The following CNTNAP3B variants were observed in gnomAD, a reference collection of about 807,000 sequenced individuals.
CNTNAP3B encodes the protein contactin-associated protein-like 3B.
A neutral mutation model predicts 108.9 loss-of-function variants in CNTNAP3B; 25 were observed. The ratio of observed to expected loss-of-function variants is 0.23; its 90% confidence interval spans 0.17 to 0.32. The LOEUF (loss-of-function observed/expected upper bound fraction) is 0.32. Ranked by LOEUF, CNTNAP3B falls within the 10% of genes least tolerant of loss-of-function variation. The pLI is 1.00. For synonymous variants in CNTNAP3B, 103 were observed against 473.4 expected (o/e 0.22, Z 10.16); for missense variants, 252 against 1,210.4 (o/e 0.21, Z 11.75).
intron 13 of CNTNAP3B, among the ~76,000 whole-genome samples, chr9:41,947,759 T>A (rs1432488924): frequency 7.2e-5 from 11 of 152,160 alleles, no homozygotes; most frequent in South Asian, 4.1e-4. Context: ...TAAAAAACAG[T>A]AAGATTGAAA....
In CNTNAP3B at chr9:42,108,073, A is replaced by G. The variant is rs1200533184; in HGVS notation, c.86-3334T>C. On this transcript the variant is annotated intron_variant, in intron 1 of 23. Transcript: ENST00000377561. Reference sequence around the variant, plus strand: ...CTAAGTTTATTGTTTTTTCCCTATCATTTTGAATTCTGTGAACACTTTCTT... The same window carrying G: ...CTAAGTTTATTGTTTTTTCCCTATCGTTTTGAATTCTGTGAACACTTTCTT... Among the ~76,000 whole-genome samples, 9 of 138,564 alleles carry G rather than the reference A, an allele frequency of 6.5e-5. No homozygotes were observed. The East Asian group carries it at 2.0e-3, about 30-fold the overall frequency. The allele number at this position is 138,564 out of a possible 152,430, so 90.9% of individuals were successfully genotyped here. A position where few individuals can be genotyped will look rare whatever the true frequency, so the allele number is the denominator to read the frequency against.
intron 3 of CNTNAP3B, among the ~76,000 whole-genome samples, chr9:42,054,651 A>T (rs1827023859): frequency 6.6e-6 from 1 of 151,742 alleles, no homozygotes; most frequent in African/African-American, 2.4e-5. Context: ...AATAAGTATC[A>T]TTCATTCAAC....
intron 10 of CNTNAP3B, among the ~76,000 whole-genome samples, chr9:41,969,340 A>G (rs1425934575): frequency 2.0e-5 from 3 of 149,522 alleles, no homozygotes; most frequent in African/African-American, 7.5e-5. Flanking sequence ...CCTTCTGCAC[A>G]CATCTTCATC....
At chr9:42,001,618 T>C (rs1290170728) in intron 4 of CNTNAP3B, among the ~76,000 whole-genome samples, 2 of 129,782 alleles carry the variant, frequency 1.5e-5, no homozygotes, top group African/African-American at 3.1e-5. Flanking sequence ...ATGTCACTTA[T>C]TATGTTTACG....
chr9:42,127,578 G>A (rs2605633), intron 1 of CNTNAP3B, among the ~76,000 whole-genome samples: 4 of 139,714 alleles, frequency 2.9e-5, no homozygotes, highest in East Asian at 2.2e-4. Context: ...ACTCATTTAT[G>A]TGTTTATTTA....
At chr9:42,087,259 T>A (rs569413559) in intron 2 of CNTNAP3B, among the ~76,000 whole-genome samples, 1 of 137,916 alleles carries the variant, frequency 7.3e-6, no homozygotes, top group Non-Finnish European at 1.6e-5. Context: ...CCATACACAA[T>A]AATGTATGGA....
intron 13 of CNTNAP3B, among the ~76,000 whole-genome samples, chr9:41,940,318 C>A (rs1824296402): frequency 6.6e-6 from 1 of 152,236 alleles, no homozygotes; most frequent in South Asian, 2.1e-4. Context: ...TTTTTGGAAA[C>A]AAAACAAAAC....
In CNTNAP3B at chr9:42,083,117, A is replaced by G. The variant is rs1023696002; in HGVS notation, c.197-6055T>C. On this transcript the variant is annotated intron_variant, in intron 2 of 23. Transcript: ENST00000377561. ...AGAAAATTATTTTGTAATGATTAAG[A>G]TGTTCTTTCATCAGAGAACATAATC... is the stretch of plus-strand genomic sequence containing the variant. 6.7e-5 allele frequency among the ~76,000 whole-genome samples: 9 copies of G among 133,564 alleles called. 2 individuals carry two copies. The highest frequency in any genetic ancestry group is 2.7e-4 in the African/African-American group (9 of 32,964). The allele number at this position is 133,564 out of a possible 152,430, so 87.6% of individuals were successfully genotyped here.
chr9:41,932,296 G>T (rs1186898225), intron 14 of CNTNAP3B, among the ~76,000 whole-genome samples: 2 of 152,062 alleles, frequency 1.3e-5, no homozygotes, highest in South Asian at 2.1e-4. Flanking sequence ...AACTTTCAAA[G>T]ACTTTTTGCT....
At chr9:41,937,096 A>ATGTTATT (rs1824180330) in intron 14 of CNTNAP3B, among the ~76,000 whole-genome samples, 4 of 114,360 alleles carry the variant, frequency 3.5e-5, no homozygotes, top group African/African-American at 1.1e-4. Flanking sequence ...AATGACCATT[A>ATGTTATT]CATTTTTTAT....
At chr9:42,033,177 A>C (rs1826555038) in intron 3 of CNTNAP3B, among the ~76,000 whole-genome samples, 1 of 138,934 alleles carries the variant, frequency 7.2e-6, no homozygotes, top group Non-Finnish European at 1.5e-5. Flanking sequence ...AGGCTTTACA[A>C]AAGAATCACT....
rs1219989042 is a variant in CNTNAP3B, at chr9:42,094,321, GT to G, written c.196+10307del. On this transcript the variant is annotated intron_variant, in intron 2 of 23. Transcript: ENST00000377561. ...TTATATAGCCAGAGAACTAAGAATG[GT>G]TTTACATTTGTAAAGCGTTGCATTT... Among the ~76,000 whole-genome samples, 9 of 131,290 alleles carry G rather than the reference GT, an allele frequency of 6.9e-5. 3 individuals carry two copies. Among genetic ancestry groups the G allele is most frequent in the African/African-American group, 2.8e-4 (9 of 32,150 alleles). 86.1% of individuals were successfully genotyped at this position (131,290 alleles called of 152,430 possible). A position where few individuals can be genotyped will look rare whatever the true frequency, so the allele number is the denominator to read the frequency against.
At chr9:41,919,918 C>T (rs1823622615) in intron 18 of CNTNAP3B, among the ~76,000 whole-genome samples, 152 bp downstream of exon 18, 21 of 151,592 alleles carry the variant, frequency 1.4e-4, no homozygotes. Context: ...CATATCCCTT[C>T]TAAATTCAAT....
In CNTNAP3B at chr9:42,115,273, G is replaced by A. The variant is rs903642256; in HGVS notation, c.86-10534C>T. Among the ~76,000 whole-genome samples, 9 of 134,724 alleles carry A rather than the reference G, an allele frequency of 6.7e-5. 1 individual carries two copies. Among genetic ancestry groups the A allele is most frequent in the African/African-American group, 2.1e-4 (7 of 33,432 alleles). The allele number at this position is 134,724 out of a possible 152,430, so 88.4% of individuals were successfully genotyped here. A position where few individuals can be genotyped will look rare whatever the true frequency, so the allele number is the denominator to read the frequency against. ...AGACAGGTCCGGATCCAAGATGGTC[G>A]AATAGGAACAGCTCCAGTCTACAGC... On this transcript the variant is annotated intron_variant, in intron 1 of 23. Coordinates refer to ENST00000377561, the MANE Select transcript of CNTNAP3B (RefSeq NM_001201380.3).
intron 13 of CNTNAP3B, among the ~76,000 whole-genome samples, chr9:41,943,754 G>C (rs1189489422): frequency 1.3e-5 from 2 of 152,094 alleles, no homozygotes; most frequent in African/African-American, 2.4e-5. Context: ...TTAAAATAAT[G>C]ACAGTTGAGA....
In CNTNAP3B at chr9:42,117,739, C is replaced by G. The variant is rs531439269; in HGVS notation, c.85+11271G>C. ...TTCAAAAAATCAATGAATCCAAGAGCTGGTTTTTTGGAAAGATCAACAAAA... is the reference window on the plus strand; with the variant it reads ...TTCAAAAAATCAATGAATCCAAGAGGTGGTTTTTTGGAAAGATCAACAAAA... On this transcript the variant is annotated intron_variant, in intron 1 of 23. Coordinates refer to ENST00000377561, the MANE Select transcript of CNTNAP3B (RefSeq NM_001201380.3). Among the ~76,000 whole-genome samples the G allele has an allele frequency of 8.8e-4, 120 of 136,332 alleles. 16 individuals carry two copies. Among genetic ancestry groups the G allele is most frequent in the Middle Eastern group, 7.2e-3 (2 of 278 alleles). 89.4% of individuals were successfully genotyped at this position (136,332 alleles called of 152,430 possible).
intron 12 of CNTNAP3B, among the ~76,000 whole-genome samples, chr9:41,958,392 C>T (rs866533264): frequency 4.6e-5 from 7 of 152,284 alleles, no homozygotes; most frequent in African/African-American, 7.2e-5. Context: ...GCTATCTTCC[C>T]TCCTCAGCTT....
intron 15 of CNTNAP3B, among the ~76,000 whole-genome samples, chr9:41,928,561 C>T (rs1382947199): frequency 6.6e-6 from 1 of 152,274 alleles, no homozygotes; most frequent in Non-Finnish European, 1.5e-5. Flanking sequence ...CCATCTGGCA[C>T]ACTCGGCAAG....
At chr9:42,094,467 C>A (rs1378947540) in intron 2 of CNTNAP3B, among the ~76,000 whole-genome samples, 1 of 128,642 alleles carries the variant, frequency 7.8e-6, no homozygotes, top group Admixed American at 7.9e-5. Flanking sequence ...CCAGCCTGAG[C>A]AACATAATGA....
Sources: allele counts gnomAD v4.1 joint callset (sites outside exome capture counted in the v4.1 genomes callset), GRCh38; gene constraint gnomAD v4.1.1; transcripts MANE v1.5; gene names NCBI Gene and HGNC (gene_info 2026-07-23, HGNC 2026-07-21).